The following SBF2 variants were observed in gnomAD, a reference collection of about 807,000 sequenced individuals.
The protein encoded by SBF2 is SET binding factor 2.
Under a neutral mutation model 225.2 loss-of-function variants are expected in SBF2, and 112 were observed. The ratio of observed to expected loss-of-function variants is 0.50; its 90% CI spans 0.43 to 0.58. The LOEUF is 0.58. SBF2 is among the 20% of genes least tolerant of loss of function. The probability of loss-of-function intolerance (pLI) is 0.00; values close to 1 mark genes in which losing one functional copy is unlikely to be tolerated. For synonymous variants in SBF2, 763 were observed against 773.3 expected (o/e 0.99, Z 0.22); for missense variants, 1,996 against 2,206.2 (o/e 0.90, Z 1.91).
chr11:10,168,253 G>C (rs2135235319), intron 2 of SBF2, among the ~76,000 whole-genome samples: 1 of 152,220 alleles, frequency 6.6e-6, no homozygotes, highest in East Asian at 1.9e-4. Flanking sequence ...ATAGATATCT[G>C]TTAAATGAAT....
intron 2 of SBF2, among the ~76,000 whole-genome samples, chr11:10,171,697 A>C (rs1477471831): frequency 6.6e-6 from 1 of 152,204 alleles, no homozygotes; most frequent in African/African-American, 2.4e-5. Flanking sequence ...TTTTTGGAAT[A>C]GTTTGAGTCG....
intron 1 of SBF2, among the ~76,000 whole-genome samples, chr11:10,236,710 C>A (rs918455132): frequency 6.6e-6 from 1 of 152,188 alleles, no homozygotes; most frequent in Non-Finnish European, 1.5e-5. Context: ...AATCCACCCG[C>A]CTCGGCCTCC....
Position 10,303,147 on chromosome 11 carries a change from C to T in SBF2, n.386+1345G>A, listed in dbSNP as rs909867912. 2 of 152,290 alleles carry T rather than the reference C, an allele frequency of 1.3e-5. No homozygotes were observed. The highest frequency in any genetic ancestry group is 4.8e-5 in the African/African-American group (2 of 41,440). The allele number at this position is 152,290 out of a possible 1,614,324, so 9.4% of individuals were successfully genotyped here. ...GGGAGGCTCCTGGTCACCGAGCAGG[C>T]GTTCAGTAATAGCTGCTGTCTGCGG... On this transcript the variant is annotated intron_variant and non_coding_transcript_variant, in intron 1 of 5. Coordinates refer to the SBF2 transcript ENST00000685217. This position sits in a 1 kb window ranked among gnomAD's most constrained non-coding sequence, Gnocchi z 5.2.
intron 16 of SBF2, among the ~76,000 whole-genome samples, chr11:9,930,935 CAAG>C (rs1390017768): frequency 6.6e-6 from 1 of 152,280 alleles, no homozygotes; most frequent in Non-Finnish European, 1.5e-5. Flanking sequence ...AACTGGCAGA[CAAG>C]AAGATTCTCT....
At chr11:10,151,708 T>C (rs1955200939) in intron 2 of SBF2, among the ~76,000 whole-genome samples, 1 of 152,212 alleles carries the variant, frequency 6.6e-6, no homozygotes, top group Non-Finnish European at 1.5e-5. Flanking sequence ...AATTAAATTA[T>C]TGAGTATAAC....
intron 2 of SBF2, among the ~76,000 whole-genome samples, chr11:10,130,486 C>T (rs1248699374): frequency 6.6e-6 from 1 of 151,774 alleles, no homozygotes; most frequent in Non-Finnish European, 1.5e-5. Flanking sequence ...CAATGAGGTC[C>T]CCTGTACTCT....
intron 16 of SBF2, among the ~76,000 whole-genome samples, chr11:9,930,178 GA>G (rs889366264): frequency 1.3e-5 from 2 of 151,722 alleles, no homozygotes; most frequent in Admixed American, 6.6e-5. Flanking sequence ...ACAAACAGGT[GA>G]AAAAAAATGT....
intron 13 of SBF2, among the ~76,000 whole-genome samples, chr11:9,983,041 C>T (rs191626996): frequency 0.013 from 1,920 of 152,018 alleles, 18 homozygotes; most frequent in Non-Finnish European, 0.018. Context: ...TCTAGCTGAA[C>T]TTTTTAACTA....
chr11:10,254,732 C>A (rs1055754345), intron 1 of SBF2, among the ~76,000 whole-genome samples: 2 of 150,232 alleles, frequency 1.3e-5, no homozygotes, highest in African/African-American at 4.9e-5. Context: ...ATGATGAAAT[C>A]CCTATTAAAT....
intron 1 of SBF2, among the ~76,000 whole-genome samples, chr11:10,247,702 AC>A (rs1165874390): frequency 1.3e-5 from 2 of 152,126 alleles, no homozygotes; most frequent in African/African-American, 4.8e-5. Flanking sequence ...TTGCAAAAAA[AC>A]AAATGAATAA....
At chr11:9,865,449 G>C (rs568664111) in intron 17 of SBF2, among the ~76,000 whole-genome samples, 38 of 152,046 alleles carry the variant, frequency 2.5e-4, no homozygotes, top group Admixed American at 7.2e-4. Flanking sequence ...TAGTACTTTG[G>C]AAGGCTGAGG....
chr11:9,934,447 C>T (rs911025778), intron 16 of SBF2, among the ~76,000 whole-genome samples: 1 of 152,340 alleles, frequency 6.6e-6, no homozygotes, highest in Admixed American at 6.5e-5. Context: ...TCCTCCCTAA[C>T]TCATTTTATG....
At chr11:10,170,703 A>G (rs1262444356) in intron 2 of SBF2, among the ~76,000 whole-genome samples, 2 of 152,064 alleles carry the variant, frequency 1.3e-5, no homozygotes, top group Non-Finnish European at 2.9e-5. Context: ...TGATATTTTG[A>G]CAAGGACTGC....
intron 1 of SBF2, among the ~76,000 whole-genome samples, chr11:10,209,551 A>G (rs1288909669): frequency 1.3e-5 from 2 of 152,074 alleles, no homozygotes; most frequent in African/African-American, 4.8e-5. Flanking sequence ...CCTGAAGACA[A>G]TCATTTCCTT....
intron 2 of SBF2, among the ~76,000 whole-genome samples, chr11:10,088,408 G>A (rs1241426026): frequency 6.6e-6 from 1 of 152,134 alleles, no homozygotes; most frequent in Non-Finnish European, 1.5e-5. Context: ...TATCCACAGT[G>A]TCTTCATCTG....
chr11:9,789,158 T>C lies in SBF2; in HGVS notation c.4883A>G (p.Tyr1628Cys). The change falls in exon 35 of 40, where the codon TAT becomes TGT. Residue 1628 changes from tyrosine (Y) to cysteine (C), a missense_variant. By Grantham distance (194) the Tyr-to-Cys change is radical. Transcript: ENST00000256190. ...RSQRRTVWPC[Y>C]DDVSCTQPDA... Reference sequence around the variant, plus strand: ...AGGCTGAGTACAGCTGACATCATCATAGCATGGCCACACTGTTCTCCTCTG... The same window carrying C: ...AGGCTGAGTACAGCTGACATCATCACAGCATGGCCACACTGTTCTCCTCTG... The C allele has an allele frequency of 6.2e-7, 1 of 1,614,110 alleles. No individual in the cohort carries two copies. The highest frequency in any genetic ancestry group is 1.1e-5 in the South Asian group (1 of 91,078).
chr11:10,241,022 T>C (rs181423584), intron 1 of SBF2, among the ~76,000 whole-genome samples: 2 of 152,234 alleles, frequency 1.3e-5, no homozygotes, highest in East Asian at 3.9e-4. Flanking sequence ...CAGATTAGAG[T>C]GCTTAAAAAA....
At chr11:10,277,726 G>A (rs541292861) in intron 1 of SBF2, among the ~76,000 whole-genome samples, 31 of 152,282 alleles carry the variant, frequency 2.0e-4, no homozygotes, top group African/African-American at 5.5e-4. Flanking sequence ...TTTGGACACA[G>A]TAACAGAGAA....
upstream of SBF2, among the ~76,000 whole-genome samples, chr11:10,295,086 T>C (rs1256198270): frequency 6.6e-6 from 1 of 152,254 alleles, no homozygotes; most frequent in Admixed American, 6.5e-5. Context: ...CACTTTGTCA[T>C]TTGTTAATAT....
Sources: allele counts gnomAD v4.1 joint callset (sites outside exome capture counted in the v4.1 genomes callset), GRCh38; gene constraint gnomAD v4.1.1; non-coding constraint Gnocchi (gnomAD v3.1); transcripts MANE v1.5; gene names NCBI Gene and HGNC (gene_info 2026-07-23, HGNC 2026-07-21).